ZMYND8: variants seen among roughly 807,000 people sequenced by gnomAD.
ZMYND8 encodes zinc finger MYND-type containing 8.
ZMYND8 carries 37 observed loss-of-function variants against 140.8 expected under a neutral mutation model. The observed-to-expected ratio is 0.26, with a 90% CI of 0.20 to 0.35. ZMYND8 has a LOEUF of 0.35. Among genes scored for constraint, ZMYND8 ranks in the 10% least tolerant of loss-of-function variants. The pLI is 1.00. For missense variants in ZMYND8, 1,068 were observed against 1,570.0 expected, an observed-to-expected ratio of 0.68 and a Z score of 5.40; for synonymous variants, 592 against 597.1, an observed-to-expected ratio of 0.99 and a Z score of 0.12.
intron 9 of ZMYND8, among the ~76,000 whole-genome samples, chr20:47,283,056 AAC>A (rs1319530560): frequency 6.6e-6 from 1 of 151,924 alleles, no homozygotes. Context: ...CCCCACCCCC[AAC>A]ACACACACCA....
At chr20:47,255,871 C>T (rs986351204) in intron 12 of ZMYND8, among the ~76,000 whole-genome samples, 2 of 146,588 alleles carry the variant, frequency 1.4e-5, no homozygotes, top group African/African-American at 2.5e-5. Context: ...GTCAGGAGTT[C>T]GAGACCAGCC....
intron 1 of ZMYND8, chr20:47,353,189 T>TA (rs1219712961): frequency 2.0e-5 from 3 of 152,120 alleles, no homozygotes; most frequent in Non-Finnish European, 4.4e-5. Flanking sequence ...CCCCACTTCC[T>TA]AAAAAGTGTC....
At chr20:47,237,764 T>C (rs1434338760) in intron 15 of ZMYND8, 1 of 152,214 alleles carries the variant, frequency 6.6e-6, no homozygotes, top group East Asian at 1.9e-4. Flanking sequence ...TGAGTTTCAG[T>C]TGAAGAACCC....
At chr20:47,310,760 TGG>T (rs1441288445) in intron 2 of ZMYND8, among the ~76,000 whole-genome samples, 1 of 116,486 alleles carries the variant, frequency 8.6e-6, no homozygotes, top group Non-Finnish European at 1.7e-5. Flanking sequence ...CACTCCAGCC[TGG>T]GGGACAGGGC....
chr20:47,257,516 A>G lies in ZMYND8; in HGVS notation c.1621+4772T>C, dbSNP rs117489482. 7.4e-3 allele frequency among the ~76,000 whole-genome samples: 1,125 copies of G among 152,070 alleles called. 62 individuals are homozygous for G. The East Asian group carries it at 0.15, about 21-fold the overall frequency. On this transcript the variant is annotated intron_variant, in intron 12 of 22. Coordinates refer to ENST00000471951, the MANE Select transcript of ZMYND8 (RefSeq NM_001281775.3). Reference sequence around the variant, plus strand: ...ACATACTTATATACCATACACACACATACATATACTCACATATACCCAATA... The same window carrying G: ...ACATACTTATATACCATACACACACGTACATATACTCACATATACCCAATA...
intron 2 of ZMYND8, chr20:47,319,117 C>G (rs769249757): frequency 1.7e-6 from 2 of 1,153,578 alleles, no homozygotes; most frequent in Admixed American, 4.5e-5. Context: ...ACTTACCAGG[C>G]CAGCCCCGGT....
chr20:47,239,358 C>T (rs2039659061), intron 14 of ZMYND8, among the ~76,000 whole-genome samples: 1 of 152,264 alleles, frequency 6.6e-6, no homozygotes, highest in African/African-American at 2.4e-5. Context: ...GCCTCCTTTA[C>T]TGAGCGCCGG....
chr20:47,309,276 G>C (rs2078732046), intron 3 of ZMYND8, among the ~76,000 whole-genome samples: 1 of 151,972 alleles, frequency 6.6e-6, no homozygotes, highest in African/African-American at 2.4e-5. Flanking sequence ...CCTGCCCCTG[G>C]CAATGCCTCT....
At chr20:47,310,259 A>G in intron 2 of ZMYND8, 55 bp from the exon 3 acceptor site, 2 of 1,541,234 alleles carry the variant, frequency 1.3e-6, no homozygotes, top group Non-Finnish European at 1.7e-6. Flanking sequence ...CCTGGGCCCC[A>G]CAGGGAGGAG....
intron 4 of ZMYND8, among the ~76,000 whole-genome samples, chr20:47,296,861 T>C (rs965720846): frequency 1.3e-5 from 2 of 151,998 alleles, no homozygotes; most frequent in Admixed American, 6.6e-5. Context: ...GAGGCTCAGG[T>C]GGGAGGATCG....
At chr20:47,320,809 T>C (rs536206202) in intron 2 of ZMYND8, 51 of 152,302 alleles carry the variant, frequency 3.3e-4, no homozygotes, top group African/African-American at 1.2e-3. Flanking sequence ...ACAGGGCTCA[T>C]GGGTGCACAG....
chr20:47,324,327 GC>G (rs2080229736), intron 2 of ZMYND8, among the ~76,000 whole-genome samples: 1 of 151,870 alleles, frequency 6.6e-6, no homozygotes, highest in South Asian at 2.1e-4. Context: ...GACCAGCCAG[GC>G]CAACATGGTA....
chr20:47,321,258 C>T (rs969985987), intron 2 of ZMYND8, among the ~76,000 whole-genome samples: 1 of 152,158 alleles, frequency 6.6e-6, no homozygotes, highest in Non-Finnish European at 1.5e-5. Flanking sequence ...CAGTACACGC[C>T]CCCATCATCA....
intron 14 of ZMYND8, among the ~76,000 whole-genome samples, chr20:47,244,589 T>A (rs11908544): frequency 5.9e-5 from 9 of 152,208 alleles, no homozygotes; most frequent in African/African-American, 1.9e-4. Flanking sequence ...TGGCAATATT[T>A]GATTGCCACA....
At position 47,210,283 on chromosome 20, in the gene ZMYND8, C is replaced by G. The variant is rs1222891837; in HGVS notation, c.*478G>C. ...AAACGGTTCGCCCTCCCCTGGGTAT[C>G]CAAGGATGAGGACGTGAGTATGAAA... is the stretch of plus-strand genomic sequence containing the variant. On this transcript the variant is annotated 3_prime_UTR_variant, in exon 23 of 23. Transcript: ENST00000471951. 1.3e-5 allele frequency: 2 copies of G among 157,784 alleles called. No individual in the cohort carries two copies. The highest frequency in any genetic ancestry group is 4.8e-5 in the African/African-American group (2 of 41,456). 9.8% of individuals were successfully genotyped at this position (157,784 alleles called of 1,614,324 possible).
chr20:47,345,108 C>A (rs1007109445), intron 2 of ZMYND8, among the ~76,000 whole-genome samples: 1 of 152,078 alleles, frequency 6.6e-6, no homozygotes, highest in Non-Finnish European at 1.5e-5. Context: ...TATGATCATA[C>A]CAGTGCACTC....
In ZMYND8 at chr20:47,210,081, TAG is replaced by T. The variant is rs2146716749; in HGVS notation, c.*678_*679del. 1 of 152,652 alleles carries T rather than the reference TAG, an allele frequency of 6.6e-6. No homozygotes were observed. The highest frequency in any genetic ancestry group is 1.9e-4 in the East Asian group (1 of 5,196). The allele number at this position is 152,652 out of a possible 1,614,324, so 9.5% of individuals were successfully genotyped here. A position where few individuals can be genotyped will look rare whatever the true frequency, so the allele number is the denominator to read the frequency against. ...GATATTGTTTTTTCCCTTTTAGGAG[TAG>T]AGTCATCATTTCAATCACATGAAAG... On this transcript the variant is annotated 3_prime_UTR_variant, in exon 23 of 23. Coordinates refer to ENST00000471951, the MANE Select transcript of ZMYND8 (RefSeq NM_001281775.3).
intron 11 of ZMYND8, among the ~76,000 whole-genome samples, chr20:47,272,786 G>A (rs751408193): frequency 2.0e-5 from 3 of 152,186 alleles, no homozygotes; most frequent in Non-Finnish European, 4.4e-5. Flanking sequence ...ATTTCAATCT[G>A]TAGTTTTATG....
chr20:47,234,567 C>T lies in ZMYND8; in HGVS notation c.2856+1759G>A, dbSNP rs115821242. ...CTGCAAGAGATCCTGAAGCGGAGAG[C>T]CCCGTGGAGCCATGCCCAGATTCCT... On this transcript the variant is annotated intron_variant, in intron 16 of 22. Coordinates refer to ENST00000471951, the MANE Select transcript of ZMYND8 (RefSeq NM_001281775.3). 5.2e-3 allele frequency among the ~76,000 whole-genome samples: 791 copies of T among 152,308 alleles called. 10 individuals are homozygous for T. Among genetic ancestry groups the T allele is most frequent in the African/African-American group, 0.018 (756 of 41,556 alleles).
Sources: allele counts gnomAD v4.1 joint callset (sites outside exome capture counted in the v4.1 genomes callset), GRCh38; gene constraint gnomAD v4.1.1; transcripts MANE v1.5; gene names NCBI Gene and HGNC (gene_info 2026-07-23, HGNC 2026-07-21).